NRG3: variants seen among roughly 807,000 people sequenced by gnomAD.
NRG3 encodes pro-neuregulin-3, membrane-bound isoform.
Under a neutral mutation model 66.9 loss-of-function variants are expected in NRG3, and 31 were observed. That is an observed-to-expected ratio of 0.46 (90% CI 0.35 to 0.63). The LOEUF is 0.63. NRG3 is among the 20% of genes least tolerant of loss of function. The probability of loss-of-function intolerance (pLI) is 0.00; values close to 1 mark genes in which losing one functional copy is unlikely to be tolerated. For synonymous variants in NRG3, 393 were observed against 359.4 expected (o/e 1.09, Z -1.06); for missense variants, 910 against 878.9 (o/e 1.04, Z -0.45).
At chr10:82,511,942 A>G (rs1845213153) in intron 2 of NRG3, among the ~76,000 whole-genome samples, 1 of 152,066 alleles carries the variant, frequency 6.6e-6, no homozygotes, top group Non-Finnish European at 1.5e-5. Flanking sequence ...GCAGATGGAA[A>G]TGATTTCAGA....
At chr10:82,269,351 A>G (rs1180518224) in intron 1 of NRG3, among the ~76,000 whole-genome samples, 1 of 152,126 alleles carries the variant, frequency 6.6e-6, no homozygotes, top group Non-Finnish European at 1.5e-5. Context: ...CATAAGTGGA[A>G]ACAGTCATAA....
At chr10:81,946,445 A>G (rs1373701852) in intron 1 of NRG3, among the ~76,000 whole-genome samples, 1 of 152,180 alleles carries the variant, frequency 6.6e-6, no homozygotes, top group South Asian at 2.1e-4. Flanking sequence ...AAAAAGAAAA[A>G]TAAAGGCACT....
intron 1 of NRG3, among the ~76,000 whole-genome samples, chr10:81,935,046 T>C (rs1007945976): frequency 2.0e-5 from 3 of 152,202 alleles, no homozygotes; most frequent in African/African-American, 7.2e-5. Flanking sequence ...GTTTATTACA[T>C]TGTGTTATTT....
intron 2 of NRG3, among the ~76,000 whole-genome samples, chr10:82,369,685 A>T (rs2084762861): frequency 7.2e-6 from 1 of 139,104 alleles, no homozygotes; most frequent in Non-Finnish European, 1.5e-5. Flanking sequence ...TTCCATGATG[A>T]GTATGACATA....
At chr10:82,345,496 G>A (rs2135435692) in intron 1 of NRG3, among the ~76,000 whole-genome samples, 1 of 151,878 alleles carries the variant, frequency 6.6e-6, no homozygotes, top group Non-Finnish European at 1.5e-5. Flanking sequence ...GTCAGGTAGT[G>A]TGATGCCTCC....
chr10:82,615,812 AAAGGG>A (rs2048609218), intron 2 of NRG3, among the ~76,000 whole-genome samples: 1 of 152,196 alleles, frequency 6.6e-6, no homozygotes, highest in Non-Finnish European at 1.5e-5. Flanking sequence ...GGGAGATGGG[AAAGGG>A]AAGGAGAGAC....
At chr10:82,030,834 C>G (rs769785856) in intron 1 of NRG3, among the ~76,000 whole-genome samples, 1 of 151,962 alleles carries the variant, frequency 6.6e-6, no homozygotes, top group African/African-American at 2.4e-5. Context: ...TTTAAAACAA[C>G]GTTCAGAGTA....
chr10:82,127,888 A>G (rs72825458), intron 1 of NRG3, among the ~76,000 whole-genome samples: 15,537 of 152,070 alleles, frequency 0.1, 1,093 homozygotes, highest in South Asian at 0.15. Flanking sequence ...ATAGGAAAGA[A>G]AAAGAAGAGT....
chr10:82,966,110 C>T (rs1851186029), intron 6 of NRG3, among the ~76,000 whole-genome samples: 1 of 152,108 alleles, frequency 6.6e-6, no homozygotes, highest in South Asian at 2.1e-4. Flanking sequence ...ATTAGTAGGG[C>T]ACAATTCTGA....
At chr10:81,923,233 T>A (rs778880686) in intron 1 of NRG3, among the ~76,000 whole-genome samples, 1 of 150,016 alleles carries the variant, frequency 6.7e-6, no homozygotes, top group Non-Finnish European at 1.5e-5. Flanking sequence ...GGGCAACTGC[T>A]TTACTTACTC....
intron 7 of NRG3, among the ~76,000 whole-genome samples, chr10:82,977,517 G>C (rs1852403073): frequency 6.6e-6 from 1 of 151,346 alleles, no homozygotes; most frequent in Non-Finnish European, 1.5e-5. Flanking sequence ...GCTGGGGCAG[G>C]CGAATCACTT....
intron 1 of NRG3, among the ~76,000 whole-genome samples, chr10:81,967,438 T>A (rs2059772233): frequency 6.6e-6 from 1 of 152,158 alleles, no homozygotes; most frequent in Non-Finnish European, 1.5e-5. Context: ...CTTTGTATTC[T>A]GCTACACTGT....
intron 1 of NRG3, among the ~76,000 whole-genome samples, chr10:82,326,662 A>G (rs909006679): frequency 2.0e-5 from 3 of 152,066 alleles, no homozygotes; most frequent in Non-Finnish European, 2.9e-5. Flanking sequence ...GCAATGTCTA[A>G]TGTGTCTTCC....
intron 2 of NRG3, among the ~76,000 whole-genome samples, chr10:82,682,940 G>A (rs1003748323): frequency 4.4e-5 from 6 of 137,388 alleles, no homozygotes; most frequent in African/African-American, 8.2e-5. Flanking sequence ...TACAGACCAT[G>A]TCTTAATTTT....
In NRG3 at chr10:82,294,602, C is replaced by A. The variant is rs138088853; in HGVS notation, c.824-64137C>A. On this transcript the variant is annotated intron_variant, in intron 1 of 8. Coordinates refer to ENST00000372141, the MANE Select transcript of NRG3 (RefSeq NM_001010848.4). ...TTTCTTGTTACATATAAAGACAATG[C>A]ACTTTAAATACTACTTTAAAATCTG... Among the ~76,000 whole-genome samples the A allele has an allele frequency of 2.0e-3, 299 of 152,232 alleles. 2 individuals are homozygous for A. The highest frequency in any genetic ancestry group is 5.2e-3 in the South Asian group (25 of 4,818).
At chr10:82,781,168 A>G (rs2060105207) in intron 3 of NRG3, among the ~76,000 whole-genome samples, 1 of 152,126 alleles carries the variant, frequency 6.6e-6, no homozygotes, top group Admixed American at 6.6e-5. Flanking sequence ...CTCTTTCCAC[A>G]TCTCAGAGTC....
chr10:82,237,091 T>C (rs1200564016), intron 1 of NRG3, among the ~76,000 whole-genome samples: 1 of 152,166 alleles, frequency 6.6e-6, no homozygotes, highest in Non-Finnish European at 1.5e-5. Context: ...TAATGAAGAT[T>C]AACATAATAT....
chr10:82,575,520 A>G (rs895900879), intron 2 of NRG3, among the ~76,000 whole-genome samples: 2 of 151,638 alleles, frequency 1.3e-5, no homozygotes, highest in African/African-American at 2.4e-5. Flanking sequence ...TGTTATTCTG[A>G]AGGCAGTGAA....
chr10:82,312,703 C>T (rs553217984), intron 1 of NRG3, among the ~76,000 whole-genome samples: 4 of 151,414 alleles, frequency 2.6e-5, no homozygotes, highest in Non-Finnish European at 4.4e-5. Flanking sequence ...AGATCAAAAA[C>T]GAAAAAGAAA....
Sources: gnomAD v4.1 joint callset for allele counts (sites outside exome capture counted in the v4.1 genomes callset) on GRCh38, gnomAD v4.1.1 for gene constraint, MANE v1.5 for transcripts, NCBI Gene and HGNC (gene_info 2026-07-23, HGNC 2026-07-21) for gene names.